Variants in ABR observed in about 807,000 individuals in gnomAD.
ABR encodes active breakpoint cluster region-related protein.
A neutral mutation model predicts 107.2 loss-of-function variants in ABR; 35 were observed. The observed-to-expected ratio is 0.33, with a 90% CI of 0.25 to 0.43. The LOEUF (loss-of-function observed/expected upper bound fraction) is 0.43, where lower values mean the gene tolerates loss of function less well. Among genes scored for constraint, ABR ranks in the 20% least tolerant of loss-of-function variants. ABR has a pLI of 1.00. For synonymous variants in ABR, 498 were observed against 462.0 expected (o/e 1.08, Z -1.00); for missense variants, 815 against 1,115.2 (o/e 0.73, Z 3.83).
At chr17:1,201,236 G>A (rs1460475641) in intron 1 of ABR, among the ~76,000 whole-genome samples, 1 of 152,200 alleles carries the variant, frequency 6.6e-6, no homozygotes, top group Admixed American at 6.5e-5. Context: ...CAATGCTTTA[G>A]GTCAGGATGT....
Position 1,007,277 on chromosome 17 carries a change from A to G in ABR, c.2378T>C (p.Leu793Pro), listed in dbSNP as rs758684367. 6.2e-6 allele frequency: 10 copies of G among 1,614,028 alleles called. No homozygotes were observed. Among genetic ancestry groups the G allele is most frequent in the Non-Finnish European group, 6.8e-6 (8 of 1,180,010 alleles). The change falls in exon 22 of 23, where the codon CTT (leucine) becomes CCT (proline). Residue 793 changes from leucine to proline, a missense_variant. Physicochemically the swap from Leu to Pro is moderately conservative, Grantham distance 98. Transcript: ENST00000302538. ...AEKEPINKMSLHNLATVFGPT... is the reference protein window; with the variant it reads ...AEKEPINKMSPHNLATVFGPT... ...TCCAAACACGGTAGCCAGGTTGTGA[A>G]GTGACATTTTGTTGATGGGCTCCTT... is the stretch of plus-strand genomic sequence containing the variant.
intron 2 of ABR, among the ~76,000 whole-genome samples, chr17:1,108,215 T>C (rs1386100682): frequency 6.6e-6 from 1 of 152,256 alleles, no homozygotes; most frequent in East Asian, 1.9e-4. Flanking sequence ...AAGACCGCTG[T>C]GGTGTGCCGG....
At chr17:1,173,720 C>G (rs888080668) in intron 1 of ABR, among the ~76,000 whole-genome samples, 5 of 152,140 alleles carry the variant, frequency 3.3e-5, no homozygotes, top group African/African-American at 1.2e-4. Context: ...CACCCGTACT[C>G]AGACAACCAA....
intron 1 of ABR, among the ~76,000 whole-genome samples, chr17:1,192,986 TGTA>T (rs1455023180): frequency 1.3e-5 from 2 of 152,196 alleles, no homozygotes; most frequent in African/African-American, 4.8e-5. Context: ...AGGCGGAGGC[TGTA>T]GTGAGCCGAG....
intron 16 of ABR, among the ~76,000 whole-genome samples, chr17:1,049,395 T>C (rs1317016169): frequency 6.6e-6 from 1 of 152,102 alleles, no homozygotes; most frequent in Non-Finnish European, 1.5e-5. Flanking sequence ...CTCGAACTCC[T>C]GACCTCGTGA....
At chr17:1,109,598 G>A (rs915898816) in intron 2 of ABR, among the ~76,000 whole-genome samples, 3 of 151,942 alleles carry the variant, frequency 2.0e-5, no homozygotes, top group African/African-American at 7.2e-5. Flanking sequence ...CATTCCCCGC[G>A]CGCGGCCGAG....
intron 13 of ABR, among the ~76,000 whole-genome samples, chr17:1,056,489 G>A (rs984922432): frequency 6.6e-6 from 1 of 152,008 alleles, no homozygotes; most frequent in African/African-American, 2.4e-5. Flanking sequence ...CTTGCCTTCA[G>A]GACCCCGTTC....
At chr17:1,114,533 G>A (rs1431499973) in intron 2 of ABR, among the ~76,000 whole-genome samples, 1 of 152,058 alleles carries the variant, frequency 6.6e-6, no homozygotes, top group Non-Finnish European at 1.5e-5. Context: ...AGCACTTTGG[G>A]AGGCTGAGGC....
chr17:1,069,263 C>T (rs539205569), intron 9 of ABR, among the ~76,000 whole-genome samples: 28 of 152,084 alleles, frequency 1.8e-4, no homozygotes, highest in African/African-American at 5.8e-4. Context: ...CAGTGGGGGA[C>T]GGGGTTTCCT....
intron 1 of ABR, among the ~76,000 whole-genome samples, chr17:1,164,823 C>T (rs2041443583): frequency 6.6e-6 from 1 of 152,106 alleles, no homozygotes; most frequent in Non-Finnish European, 1.5e-5. Flanking sequence ...TCTGCCACCA[C>T]TCCCAGCTAA....
intron 1 of ABR, among the ~76,000 whole-genome samples, chr17:1,227,042 C>G (rs2043235042): frequency 6.6e-6 from 1 of 152,166 alleles, no homozygotes; most frequent in Non-Finnish European, 1.5e-5. Flanking sequence ...CCAGGCATCA[C>G]TAGCCAAAGC....
At chr17:1,044,675 G>A (rs1028027686) in intron 16 of ABR, among the ~76,000 whole-genome samples, 11 of 150,950 alleles carry the variant, frequency 7.3e-5, no homozygotes, top group Non-Finnish European at 1.3e-4. Context: ...TACCTCTTCC[G>A]GCCAAACCCC....
At chr17:1,019,356 T>G (rs2071443998) in intron 16 of ABR, among the ~76,000 whole-genome samples, 1 of 152,246 alleles carries the variant, frequency 6.6e-6, no homozygotes, top group South Asian at 2.1e-4. Context: ...TGCTGCTGTC[T>G]CACACACTCC....
intron 1 of ABR, among the ~76,000 whole-genome samples, chr17:1,195,803 C>CAAAA (rs35449308): frequency 7.0e-6 from 1 of 142,726 alleles, no homozygotes; most frequent in African/African-American, 2.7e-5. Context: ...GACTCTGTCT[C>CAAAA]AAAAAAAAAA....
At chr17:1,112,729 A>T (rs2038751287) in intron 2 of ABR, among the ~76,000 whole-genome samples, 1 of 152,146 alleles carries the variant, frequency 6.6e-6, no homozygotes, top group Admixed American at 6.5e-5. Flanking sequence ...TGAGGGGCAT[A>T]AGCACACACC....
At chr17:1,095,157 C>T (rs2037324766) in intron 3 of ABR, among the ~76,000 whole-genome samples, 1 of 152,158 alleles carries the variant, frequency 6.6e-6, no homozygotes, top group Admixed American at 6.5e-5. Flanking sequence ...GTCAGCAGTC[C>T]CAGGAAGGCC....
At chr17:1,185,465 T>C (rs1399910977) in intron 1 of ABR, among the ~76,000 whole-genome samples, 6 of 151,694 alleles carry the variant, frequency 4.0e-5, no homozygotes, top group African/African-American at 1.5e-4. Context: ...GCCAACATGG[T>C]GAAACCCCGT....
intron 1 of ABR, among the ~76,000 whole-genome samples, chr17:1,140,697 C>T (rs1057405121): frequency 3.9e-5 from 6 of 151,984 alleles, no homozygotes; most frequent in Admixed American, 2.6e-4. Context: ...ATTCTCCTGT[C>T]TCAGCCTCCC....
intron 14 of ABR, among the ~76,000 whole-genome samples, chr17:1,053,672 G>A (rs1424657086): frequency 1.3e-5 from 2 of 152,172 alleles, no homozygotes; most frequent in Non-Finnish European, 1.5e-5. Context: ...AGGGGTGGCG[G>A]CGGCGAAGGG....
Sources: gnomAD v4.1 joint callset for allele counts (sites outside exome capture counted in the v4.1 genomes callset) on GRCh38, gnomAD v4.1.1 for gene constraint, MANE v1.5 for transcripts, NCBI Gene and HGNC (gene_info 2026-07-23, HGNC 2026-07-21) for gene names.